The following GRIK2 variants were observed in gnomAD, a reference collection of about 807,000 sequenced individuals.
The protein encoded by GRIK2 is glutamate ionotropic receptor kainate type subunit 2.
A neutral mutation model predicts 100.3 loss-of-function variants in GRIK2; 32 were observed. The observed-to-expected ratio is 0.32, with a 90% confidence interval of 0.24 to 0.43. GRIK2 has a LOEUF of 0.43. Among genes scored for constraint, GRIK2 ranks in the 20% least tolerant of loss-of-function variants. The pLI, the probability that GRIK2 is intolerant of heterozygous loss-of-function variation, is 1.00. For synonymous variants in GRIK2, 417 were observed against 389.4 expected (o/e 1.07, Z -0.83); for missense variants, 843 against 1,114.9 (o/e 0.76, Z 3.47).
intron 14 of GRIK2, among the ~76,000 whole-genome samples, chr6:101,976,807 A>C (rs974965008): frequency 8.3e-6 from 1 of 120,546 alleles, no homozygotes; most frequent in Admixed American, 7.5e-5. Context: ...TTCATTGTTT[A>C]AAAAAAAAAA....
intron 15 of GRIK2, among the ~76,000 whole-genome samples, chr6:102,050,392 G>A (rs1370946616): frequency 3.3e-5 from 5 of 151,986 alleles, no homozygotes; most frequent in Non-Finnish European, 7.4e-5. Context: ...GGTGGCTCAG[G>A]CCTGTAATCC....
intron 14 of GRIK2, among the ~76,000 whole-genome samples, chr6:102,019,876 A>G (rs937853702): frequency 1.3e-5 from 2 of 151,978 alleles, no homozygotes; most frequent in Non-Finnish European, 2.9e-5. Flanking sequence ...TGTCTATTTC[A>G]TATTTACTTA....
At chr6:101,816,971 C>G (rs533123114) in intron 9 of GRIK2, among the ~76,000 whole-genome samples, 10 of 152,162 alleles carry the variant, frequency 6.6e-5, no homozygotes, top group Non-Finnish European at 1.5e-4. Context: ...ATTGCACATA[C>G]TTGCATAGAA....
chr6:102,021,956 G>GAAA (rs35132794), intron 14 of GRIK2, among the ~76,000 whole-genome samples: 2 of 140,738 alleles, frequency 1.4e-5, no homozygotes, highest in Non-Finnish European at 1.5e-5. Context: ...GATACATTCG[G>GAAA]AAAAAAAAAA....
chr6:102,046,428 T>C (rs1770890457), intron 15 of GRIK2, among the ~76,000 whole-genome samples: 1 of 152,066 alleles, frequency 6.6e-6, no homozygotes, highest in African/African-American at 2.4e-5. Context: ...ATTTCCCCCA[T>C]GCTCTTCTTG....
intron 2 of GRIK2, among the ~76,000 whole-genome samples, chr6:101,614,810 T>C (rs1779822801): frequency 6.6e-6 from 1 of 151,768 alleles, no homozygotes; most frequent in Non-Finnish European, 1.5e-5. Context: ...CAGATTGTAC[T>C]CACTTTAAGG....
intron 5 of GRIK2, among the ~76,000 whole-genome samples, chr6:101,680,668 T>A (rs1771176023): frequency 6.6e-6 from 1 of 152,196 alleles, no homozygotes; most frequent in African/African-American, 2.4e-5. Context: ...TCTAGTTCTA[T>A]ACCTACAGAG....
At chr6:101,936,252 T>A (rs139700341) in intron 14 of GRIK2, among the ~76,000 whole-genome samples, 1 of 152,066 alleles carries the variant, frequency 6.6e-6, no homozygotes, top group East Asian at 1.9e-4. Context: ...GGAAGAAATA[T>A]CGCAGTAAAG....
intron 10 of GRIK2, among the ~76,000 whole-genome samples, chr6:101,819,484 A>C (rs1781824805): frequency 6.6e-6 from 1 of 152,180 alleles, no homozygotes; most frequent in Non-Finnish European, 1.5e-5. Flanking sequence ...GACAGTGATG[A>C]AAGTCATAAA....
intron 2 of GRIK2, among the ~76,000 whole-genome samples, chr6:101,485,893 C>T (rs1772794330): frequency 6.7e-6 from 1 of 148,718 alleles, no homozygotes; most frequent in South Asian, 2.1e-4. Context: ...ACGTAATTAG[C>T]AGGCACAGTT....
At chr6:101,842,100 A>G (rs1783541024) in intron 10 of GRIK2, among the ~76,000 whole-genome samples, 1 of 152,140 alleles carries the variant, frequency 6.6e-6, no homozygotes, top group Non-Finnish European at 1.5e-5. Flanking sequence ...CTGGCACAAA[A>G]TTGTCAGTGA....
At chr6:101,443,571 G>A (rs1770200996) in intron 2 of GRIK2, among the ~76,000 whole-genome samples, 1 of 151,902 alleles carries the variant, frequency 6.6e-6, no homozygotes, top group Admixed American at 6.6e-5. Context: ...AGCTAAAGTG[G>A]GGCAGGTTCA....
At chr6:101,999,556 C>T (rs1330495672) in intron 14 of GRIK2, among the ~76,000 whole-genome samples, 1 of 151,914 alleles carries the variant, frequency 6.6e-6, no homozygotes, top group African/African-American at 2.4e-5. Flanking sequence ...ATCTTGTATC[C>T]TGAGACATGT....
intron 12 of GRIK2, among the ~76,000 whole-genome samples, chr6:101,900,122 G>T (rs561349739): frequency 6.6e-6 from 1 of 152,010 alleles, no homozygotes; most frequent in South Asian, 2.1e-4. Context: ...CAATATTTAG[G>T]AAGATATTAA....
At chr6:101,454,478 C>T (rs1251506427) in intron 2 of GRIK2, among the ~76,000 whole-genome samples, 2 of 152,126 alleles carry the variant, frequency 1.3e-5, no homozygotes, top group Non-Finnish European at 2.9e-5. Flanking sequence ...GGGGAAGAAC[C>T]CATTAAGCCA....
chr6:101,417,093 G>A (rs962682761), intron 2 of GRIK2, among the ~76,000 whole-genome samples: 26 of 152,320 alleles, frequency 1.7e-4, no homozygotes, highest in Admixed American at 9.1e-4. Flanking sequence ...CAATCATGGC[G>A]GAAGTTGAAG....
chr6:101,744,164 G>T (rs575874132), intron 7 of GRIK2, among the ~76,000 whole-genome samples: 30 of 151,908 alleles, frequency 2.0e-4, no homozygotes, highest in African/African-American at 7.2e-4. Flanking sequence ...GGATGTTCTC[G>T]ATCTCCTGAC....
Position 101,818,409 on chromosome 6 carries a change from G to C in GRIK2, c.1243G>C (p.Glu415Gln). ...TCCAGCCAGTGGCCTGAATATGACAGAAAGTCAAAAGGGAAAGCCAGCGAA... is the reference window on the plus strand; with the variant it reads ...TCCAGCCAGTGGCCTGAATATGACACAAAGTCAAAAGGGAAAGCCAGCGAA... The part of the protein sequence containing the change: ...WDPASGLNMT[E>Q]SQKGKPANIT... Residue 415 changes from glutamate (E) to glutamine (Q), a missense_variant, in exon 10 of 17, where the codon GAA becomes CAA. Coordinates refer to ENST00000369134, the MANE Select transcript of GRIK2 (RefSeq NM_021956.5). 6.2e-7 allele frequency: 1 copy of C among 1,611,710 alleles called. No homozygotes were observed. Among genetic ancestry groups the C allele is most frequent in the Admixed American group, 1.7e-5 (1 of 59,996 alleles).
At chr6:101,655,094 T>G (rs1781994343) in intron 4 of GRIK2, among the ~76,000 whole-genome samples, 1 of 152,162 alleles carries the variant, frequency 6.6e-6, no homozygotes, top group Non-Finnish European at 1.5e-5. Flanking sequence ...AGTTAACAAT[T>G]TTCCACATTT....
Sources: gnomAD v4.1 joint callset for allele counts (sites outside exome capture counted in the v4.1 genomes callset) on GRCh38, gnomAD v4.1.1 for gene constraint, MANE v1.5 for transcripts, NCBI Gene and HGNC (gene_info 2026-07-23, HGNC 2026-07-21) for gene names.